ADAM15: variants seen among roughly 807,000 people sequenced by gnomAD.
The protein encoded by ADAM15 is disintegrin and metalloproteinase domain-containing protein 15.
A neutral mutation model predicts 113.8 loss-of-function variants in ADAM15; 77 were observed. The ratio of observed to expected loss-of-function variants is 0.68; its 90% confidence interval spans 0.56 to 0.82. The LOEUF (loss-of-function observed/expected upper bound fraction) is 0.82, where lower values mean the gene tolerates loss of function less well. ADAM15 is among the 40% of genes least tolerant of loss of function. The pLI is 0.00. For synonymous variants in ADAM15, 388 were observed against 454.1 expected (o/e 0.85, Z 1.85); for missense variants, 963 against 1,120.1 (o/e 0.86, Z 2.00).
In ADAM15 at chr1:155,061,961, G is replaced by A; in HGVS notation, c.2410G>A (p.Val804Met). 6.3e-7 allele frequency: 1 copy of A among 1,588,728 alleles called. No individual in the cohort carries two copies. ...CCGCCCTCTGCCCGCTGACCCGGTG[G>A]TGAGAAGCCCGAAGGTAACGGTGGG... The part of the protein sequence containing the change: ...PTRPLPADPV[V>M]RSPKSQGPAK... Residue 804 changes from valine (V) to methionine (M), a missense_variant, in exon 21 of 23, where the codon GTG becomes ATG. Transcript: ENST00000356955.
At chr1:155,052,646 T>C (rs1661222339) in intron 1 of ADAM15, 25 bp from the exon 2 acceptor site, 1 of 1,582,796 alleles carries the variant, frequency 6.3e-7, no homozygotes, top group South Asian at 1.2e-5. Flanking sequence ...CTCAGTACTG[T>C]CTTGGGGTGT....
At position 155,051,329 on chromosome 1, in the gene ADAM15, G is replaced by A. The variant is rs559332287; in HGVS notation, c.-58G>A. 169 of 1,301,410 alleles carry A rather than the reference G, an allele frequency of 1.3e-4. No homozygotes were observed. The African/African-American group carries it at 2.2e-3, about 17-fold the overall frequency. The allele number at this position is 1,301,410 out of a possible 1,614,324, so 80.6% of individuals were successfully genotyped here. On this transcript the variant is annotated 5_prime_UTR_variant, in exon 1 of 23. Coordinates refer to ENST00000356955, the MANE Select transcript of ADAM15 (RefSeq NM_207197.3). ...CTCCGAGGCGACCTGGCCGCCGGCC[G>A]CTCCTCCGCGCGCTGTTCCGCACTT...
intron 16 of ADAM15, 130 bp from the exon 17 acceptor site, chr1:155,059,772 C>G: frequency 1.1e-6 from 1 of 935,470 alleles, no homozygotes; most frequent in South Asian, 1.6e-5. Flanking sequence ...AAAGACCCTC[C>G]CTCCGGGCTG....
chr1:155,055,991 G>A lies in ADAM15; in HGVS notation c.735G>A (p.Leu245=), dbSNP rs1661707629. 1.9e-6 allele frequency: 3 copies of A among 1,613,774 alleles called. No homozygotes were observed. The highest frequency in any genetic ancestry group is 1.7e-5 in the Admixed American group (1 of 60,000). ...LLNRTLEVAL[L]LDTFFRPLNV... ...ACCGCACACTGGAAGTGGCCCTCTTGCTGGACACAGTGAGTGCTGGACAGG... is the reference window on the plus strand; with the variant it reads ...ACCGCACACTGGAAGTGGCCCTCTTACTGGACACAGTGAGTGCTGGACAGG... The change falls in exon 8 of 23, where the codon TTG becomes TTA. Residue 245 remains leucine (L), a synonymous_variant. Transcript: ENST00000356955.
chr1:155,051,808 TG>T, intron 1 of ADAM15: 1 of 232,898 alleles, frequency 4.3e-6, no homozygotes. Context: ...GCATCTTCGC[TG>T]CTCTGGGGCC....
chr1:155,058,065 C>T lies in ADAM15; in HGVS notation c.1631C>T (p.Pro544Leu), dbSNP rs1558128569. The T allele has an allele frequency of 4.3e-6, 7 of 1,614,160 alleles. No individual in the cohort carries two copies. The highest frequency in any genetic ancestry group is 5.9e-6 in the Non-Finnish European group (7 of 1,179,996). ...GGACCTGGAGCCCAGCCCGCTGCGC[C>T]ACTTTGCCTCCAGACAGCTAATACT... ...LWGPGAQPAA[P>L]LCLQTANTRG... The change falls in exon 14 of 23, where the codon CCA (proline) becomes CTA (leucine). Residue 544 changes from proline (P) to leucine (L), a missense_variant. Pro to Leu is a moderately conservative substitution (Grantham distance 98). Transcript: ENST00000356955. The surrounding 1 kb of genome is among the most constrained non-coding windows in gnomAD (Gnocchi z 4.3).
rs2102408648 is a variant in ADAM15, at chr1:155,057,726, C to T, written c.1413C>T (p.Cys471=). ...CTGACGGACCCTGTTGTCAAAATTG[C>T]CAGGTGGGTAGAGACTAGACTGGCC... ...CASDGPCCQN[C]QLRPSGWQCR... Residue 471 remains cysteine, a synonymous_variant, in exon 13 of 23, where the codon TGC becomes TGT. Coordinates refer to ENST00000356955, the MANE Select transcript of ADAM15 (RefSeq NM_207197.3). The surrounding 1 kb of genome is among the most constrained non-coding windows in gnomAD (Gnocchi z 5.0). 2 of 1,614,152 alleles carry T rather than the reference C, an allele frequency of 1.2e-6. No homozygotes were observed. Among genetic ancestry groups the T allele is most frequent in the South Asian group, 2.2e-5 (2 of 91,086 alleles).
Position 155,062,267 on chromosome 1 carries a change from C to T in ADAM15, c.2447C>T (p.Pro816Leu), listed in dbSNP as rs1435330203. The T allele has an allele frequency of 6.8e-7, 1 of 1,461,956 alleles. No individual in the cohort carries two copies. The highest frequency in any genetic ancestry group is 9.1e-7 in the Non-Finnish European group (1 of 1,104,774). 90.6% of individuals were successfully genotyped at this position (1,461,956 alleles called of 1,614,324 possible). The stretch of plus-strand genomic sequence containing the variant: ...CAGTCTCAGGGGCCAGCCAAGCCCC[C>T]ACCCCCAAGGAAGCCACTGCCTGCC... ...SPKSQGPAKP[P>L]PPRKPLPADP... The change falls in exon 22 of 23, where the codon CCA (proline) becomes CTA (leucine). Residue 816 changes from proline to leucine, a missense_variant. Physicochemically the swap from Pro to Leu is moderately conservative, Grantham distance 98. Transcript: ENST00000356955. The surrounding 1 kb of genome is among the most constrained non-coding windows in gnomAD (Gnocchi z 7.0).
chr1:155,057,524 GC>G lies in ADAM15; in HGVS notation c.1324-110del, dbSNP rs1661935766. ...ACAGCACATGGGTTGTTGGGCTCTA[GC>G]CCTCGCTTGCTGTGTAGCTTCTGGT... On this transcript the variant is annotated intron_variant, in intron 12 of 22. Transcript: ENST00000356955. The surrounding 1 kb of genome is among the most constrained non-coding windows in gnomAD (Gnocchi z 5.0). 4 of 1,498,572 alleles carry G rather than the reference GC, an allele frequency of 2.7e-6. No homozygotes were observed. Among genetic ancestry groups the G allele is most frequent in the Admixed American group, 1.8e-5 (1 of 56,464 alleles). 92.8% of individuals were successfully genotyped at this position (1,498,572 alleles called of 1,614,324 possible).
intron 17 of ADAM15, 26 bp downstream of exon 17, chr1:155,060,000 C>T: frequency 1.2e-6 from 2 of 1,612,698 alleles, no homozygotes; most frequent in African/African-American, 1.3e-5. Context: ...GGGACAGGGG[C>T]AGCTGGGAGG....
Position 155,056,008 on chromosome 1 carries a change from C to A in ADAM15, c.744+8C>A. ...GCCCTCTTGCTGGACACAGTGAGTG[C>A]TGGACAGGGCAACCCCCACCCCAGG... On this transcript the variant is annotated splice_region_variant and intron_variant, in intron 8 of 22. Transcript: ENST00000356955. The surrounding 1 kb of genome is among the most constrained non-coding windows in gnomAD (Gnocchi z 4.0). The A allele has an allele frequency of 1.2e-6, 2 of 1,613,498 alleles. No individual in the cohort carries two copies. Among genetic ancestry groups the A allele is most frequent in the African/African-American group, 2.7e-5 (2 of 75,042 alleles).
Position 155,051,366 on chromosome 1 carries a change from C to G in ADAM15, c.-21C>G. 1.3e-6 allele frequency: 2 copies of G among 1,491,110 alleles called. No individual in the cohort carries two copies. The highest frequency in any genetic ancestry group is 2.5e-5 in the Admixed American group (1 of 40,760). 92.4% of individuals were successfully genotyped at this position (1,491,110 alleles called of 1,614,324 possible). A position where few individuals can be genotyped will look rare whatever the true frequency, so the allele number is the denominator to read the frequency against. On this transcript the variant is annotated 5_prime_UTR_variant, in exon 1 of 23. Transcript: ENST00000356955. ...GCTGTTCCGCACTTGCTGCCCTCGC[C>G]CGGCCCGGAGCGCCGCTGCCATGCG...
intron 1 of ADAM15, chr1:155,052,260 C>G (rs980801330): frequency 5.7e-6 from 3 of 529,526 alleles, no homozygotes; most frequent in Non-Finnish European, 1.0e-5. Context: ...CCTGGCATCT[C>G]CGATGTGAGC....
At position 155,059,955 on chromosome 1, in the gene ADAM15, C is replaced by A; in HGVS notation, c.2049C>A (p.Asp683Glu). 6.2e-7 allele frequency: 1 copy of A among 1,614,106 alleles called. No individual in the cohort carries two copies. Among genetic ancestry groups the A allele is most frequent in the Non-Finnish European group, 8.5e-7 (1 of 1,179,982 alleles). ...CYCEEGWAPPDCTTQLKATSS... is the reference protein window; with the variant it reads ...CYCEEGWAPPECTTQLKATSS... ...GTGAGGAGGGCTGGGCACCCCCTGA[C>A]TGCACCACTCAGCTCAAAGGTAGCA... Residue 683 changes from aspartate to glutamate, a missense_variant, in exon 17 of 23, where the codon GAC becomes GAA. By Grantham distance (45) the Asp-to-Glu change is conservative. Transcript: ENST00000356955.
chr1:155,057,011 G>C lies in ADAM15; in HGVS notation c.1058G>C (p.Ser353Thr), dbSNP rs753489498. 6.2e-7 allele frequency: 1 copy of C among 1,606,692 alleles called. No individual in the cohort carries two copies. Among genetic ancestry groups the C allele is most frequent in the Non-Finnish European group, 8.5e-7 (1 of 1,175,938 alleles). Reference protein sequence around the residue: ...ASSIAHELGHSLGLDHDLPGN... With the variant: ...ASSIAHELGHTLGLDHDLPGN... ...TCCATAGCCCATGAGTTGGGCCACA[G>C]CCTGGGCCTGGACCATGATTTGCCT... Residue 353 changes from serine (S) to threonine (T), a missense_variant, in exon 11 of 23, where the codon AGC becomes ACC. Transcript: ENST00000356955. This position sits in a 1 kb window ranked among gnomAD's most constrained non-coding sequence, Gnocchi z 5.0.
intron 4 of ADAM15, 67 bp downstream of exon 4, chr1:155,054,055 G>A: frequency 2.5e-6 from 4 of 1,612,430 alleles, no homozygotes; most frequent in South Asian, 2.2e-5. Flanking sequence ...TGGAAGGTGA[G>A]AGGACACTGC....
rs778358417 is a variant in ADAM15, at chr1:155,051,391, G to A, written c.5G>A (p.Arg2Gln). Residue 2 changes from arginine to glutamine, a missense_variant, in exon 1 of 23, where the codon CGG (arginine) becomes CAG (glutamine). Transcript: ENST00000356955. ...CCGGCCCGGAGCGCCGCTGCCATGC[G>A]GCTGGCGCTGCTCTGGGCCCTGGGG... is the stretch of plus-strand genomic sequence containing the variant. M[R>Q]LALLWALGLL... is the part of the protein sequence containing the mutation. The A allele has an allele frequency of 4.6e-6, 7 of 1,523,676 alleles. No individual in the cohort carries two copies. Among genetic ancestry groups the A allele is most frequent in the Non-Finnish European group, 6.1e-6 (7 of 1,140,448 alleles). 94.4% of individuals were successfully genotyped at this position (1,523,676 alleles called of 1,614,324 possible).
At position 155,056,993 on chromosome 1, in the gene ADAM15, C is replaced by A; in HGVS notation, c.1040C>A (p.Ala347Asp). ...TSILGVASSIAHELGHSLGLD... is the reference protein window; with the variant it reads ...TSILGVASSIDHELGHSLGLD... ...ATCCTGGGAGTCGCCTCCTCCATAG[C>A]CCATGAGTTGGGCCACAGCCTGGGC... The change falls in exon 11 of 23, where the codon GCC becomes GAC. Residue 347 changes from alanine (A) to aspartate (D), a missense_variant. Coordinates refer to ENST00000356955, the MANE Select transcript of ADAM15 (RefSeq NM_207197.3). The surrounding 1 kb of genome is among the most constrained non-coding windows in gnomAD (Gnocchi z 4.0). 1 of 1,603,318 alleles carries A rather than the reference C, an allele frequency of 6.2e-7. No homozygotes were observed. Among genetic ancestry groups the A allele is most frequent in the Non-Finnish European group, 8.5e-7 (1 of 1,174,246 alleles).
Position 155,060,320 on chromosome 1 carries a change from C to T in ADAM15, c.2184C>T (p.Leu728=). The change falls in exon 18 of 23, where the codon CTC becomes CTT. Residue 728 remains leucine (L), a synonymous_variant. Transcript: ENST00000356955. ...GCCTGCACCAGCGACTCTGCCAGCT[C>T]AAGGGACCCACCTGCCAGTACAGGT... The part of the protein sequence containing the change: ...RARLHQRLCQ[L]KGPTCQYRAA... The T allele has an allele frequency of 6.2e-7, 1 of 1,614,132 alleles. No individual in the cohort carries two copies. The highest frequency in any genetic ancestry group is 8.5e-7 in the Non-Finnish European group (1 of 1,180,006).
Sources: allele counts gnomAD v4.1 joint callset, GRCh38; gene constraint gnomAD v4.1.1; non-coding constraint Gnocchi (gnomAD v3.1); transcripts MANE v1.5; gene names NCBI Gene and HGNC (gene_info 2026-07-23, HGNC 2026-07-21).